FAM53A: variants seen among roughly 807,000 people sequenced by gnomAD.
The protein encoded by FAM53A is family with sequence similarity 53 member A.
In FAM53A, 28 loss-of-function variants were observed where a neutral mutation model predicts 26.6. The observed-to-expected ratio is 1.05, with a 90% CI of 0.78 to 1.45. The LOEUF (loss-of-function observed/expected upper bound fraction) is 1.45, where lower values mean the gene tolerates loss of function less well. FAM53A is among the 40% of genes most tolerant of loss of function. The probability of loss-of-function intolerance (pLI) is 0.00; values close to 1 mark genes in which losing one functional copy is unlikely to be tolerated. For synonymous variants in FAM53A, 290 were observed against 253.1 expected (o/e 1.15, Z -1.38); for missense variants, 650 against 575.8 (o/e 1.13, Z -1.32).
intron 1 of FAM53A, among the ~76,000 whole-genome samples, chr4:1,621,734 C>A (rs1326354118): frequency 6.6e-6 from 1 of 152,256 alleles, no homozygotes; most frequent in Non-Finnish European, 1.5e-5. Flanking sequence ...GAGACCCCAG[C>A]CTGGGTCTGC....
chr4:1,645,628 C>A (rs1176931953), intron 4 of FAM53A, among the ~76,000 whole-genome samples: 1 of 152,222 alleles, frequency 6.6e-6, no homozygotes, highest in Non-Finnish European at 1.5e-5. Flanking sequence ...CTCCTCATCC[C>A]AAGGGGGATG....
intron 3 of FAM53A, among the ~76,000 whole-genome samples, chr4:1,656,667 G>A (rs761497518): frequency 6.6e-5 from 10 of 152,148 alleles, no homozygotes; most frequent in African/African-American, 1.7e-4. Flanking sequence ...CCACAGGCCC[G>A]GCAGGGGGTG....
intron 1 of FAM53A, among the ~76,000 whole-genome samples, chr4:1,627,727 C>A (rs1715371481): frequency 6.6e-6 from 1 of 152,116 alleles, no homozygotes; most frequent in South Asian, 2.1e-4. Flanking sequence ...GCCAGAGGGT[C>A]CCACTCCCTC....
chr4:1,644,564 C>A (rs1178545338), intron 4 of FAM53A: 5 of 507,792 alleles, frequency 9.8e-6, no homozygotes, highest in Non-Finnish European at 1.7e-5. Context: ...CCGCCTCGCG[C>A]CCCCTGTCCC....
intron 1 of FAM53A, among the ~76,000 whole-genome samples, chr4:1,629,882 G>A (rs7668961): frequency 0.072 from 10,525 of 146,614 alleles, 387 homozygotes; most frequent in Middle Eastern, 0.16. Flanking sequence ...CACCACACAC[G>A]GCCTCGCTGG....
chr4:1,624,152 G>C (rs1715177989), intron 1 of FAM53A, among the ~76,000 whole-genome samples: 1 of 152,264 alleles, frequency 6.6e-6, no homozygotes, highest in East Asian at 1.9e-4. Flanking sequence ...AGTGGGGCCA[G>C]GGAGGGCTGG....
chr4:1,658,983 G>A (rs774545354), intron 2 of FAM53A, among the ~76,000 whole-genome samples: 1 of 152,252 alleles, frequency 6.6e-6, no homozygotes, highest in Non-Finnish European at 1.5e-5. Flanking sequence ...TAACGCCTAA[G>A]CCCATGGCAT....
In FAM53A at chr4:1,641,417, G is replaced by A. The variant is rs754643484; in HGVS notation, c.1073C>T (p.Ser358Leu). Residue 358 changes from serine to leucine, a missense_variant, in exon 5 of 5, where the codon TCG (serine) becomes TTG (leucine). By Grantham distance (145) the Ser-to-Leu change is moderately radical (BLOSUM62 -2). Transcript: ENST00000308132. ...CCTGCGGGAGCCATCACTGGTCACC[G>A]ACTCCCTAGAGGCCCACAGGTTGGG... is the stretch of plus-strand genomic sequence containing the variant. ...VHPNLWASRE[S>L]VTSDGSRRSS... 8.1e-6 allele frequency: 13 copies of A among 1,611,802 alleles called. No homozygotes were observed. The highest frequency in any genetic ancestry group is 2.7e-5 in the African/African-American group (2 of 74,780).
chr4:1,605,519 G>A, the FAM53A span, among the ~76,000 whole-genome samples: 1 of 152,226 alleles, frequency 6.6e-6, no homozygotes, highest in Non-Finnish European at 1.5e-5. This position sits in a 1 kb window ranked among gnomAD's most constrained non-coding sequence, Gnocchi z 5.7. Flanking sequence ...GCGTGAGGGA[G>A]GGGACGACGC....
the FAM53A span, among the ~76,000 whole-genome samples, chr4:1,588,271 A>C: frequency 6.6e-6 from 1 of 152,174 alleles, no homozygotes; most frequent in African/African-American, 2.4e-5. Flanking sequence ...TCAGAACACT[A>C]GTGATGTTTG....
chr4:1,631,415 C>A (rs1715607220), intron 1 of FAM53A, among the ~76,000 whole-genome samples: 1 of 152,232 alleles, frequency 6.6e-6, no homozygotes, highest in Non-Finnish European at 1.5e-5. Context: ...CACATGCTAA[C>A]CTCTGAGAGT....
At chr4:1,580,484 C>G in the FAM53A span, among the ~76,000 whole-genome samples, 1 of 152,078 alleles carries the variant, frequency 6.6e-6, no homozygotes, top group Non-Finnish European at 1.5e-5. Context: ...GCATCCCCGG[C>G]GCGGGGTGCA....
chr4:1,598,225 C>T, the FAM53A span, among the ~76,000 whole-genome samples: 1 of 152,260 alleles, frequency 6.6e-6, no homozygotes, highest in South Asian at 2.1e-4. Context: ...AACAGCTCCA[C>T]CGAGGCCCTG....
the FAM53A span, among the ~76,000 whole-genome samples, chr4:1,594,018 G>C: frequency 2.6e-5 from 4 of 152,170 alleles, no homozygotes; most frequent in African/African-American, 9.7e-5. Context: ...GGAGAGCAGG[G>C]GCCGCTGGGG....
chr4:1,642,754 G>A lies in FAM53A; in HGVS notation c.883-1147C>T, dbSNP rs530981923. Among the ~76,000 whole-genome samples the A allele has an allele frequency of 6.6e-4, 100 of 151,898 alleles. No individual in the cohort carries two copies. In the South Asian group the frequency reaches 0.02, roughly 31 times the overall value. ...CATGCCACTCGTCCACTGCCACTGGGAGCAGCCTTCCTACCCAGCCCCACC... is the reference window on the plus strand; with the variant it reads ...CATGCCACTCGTCCACTGCCACTGGAAGCAGCCTTCCTACCCAGCCCCACC... On this transcript the variant is annotated intron_variant, in intron 4 of 4. Transcript: ENST00000308132.
chr4:1,594,983 T>G, the FAM53A span, among the ~76,000 whole-genome samples: 136 of 152,280 alleles, frequency 8.9e-4, 4 homozygotes, highest in South Asian at 0.015. Flanking sequence ...GGCAAAGCCG[T>G]GCACAGGCCC....
chr4:1,627,552 C>T (rs1324806379), intron 1 of FAM53A, among the ~76,000 whole-genome samples: 1 of 152,200 alleles, frequency 6.6e-6, no homozygotes, highest in Non-Finnish European at 1.5e-5. Flanking sequence ...AGGCTGACCC[C>T]TCCCCACAGC....
intron 1 of FAM53A, 163 bp downstream of exon 1, chr4:1,684,070 G>C (rs921126627): frequency 6.6e-6 from 1 of 152,122 alleles, no homozygotes; most frequent in Non-Finnish European, 1.5e-5. Flanking sequence ...GCGGAGGCAG[G>C]GGGACGTAGT....
chr4:1,594,458 C>T, the FAM53A span, among the ~76,000 whole-genome samples: 1 of 152,136 alleles, frequency 6.6e-6, no homozygotes, highest in Non-Finnish European at 1.5e-5. Flanking sequence ...CAAAAGGCAC[C>T]CCCCACGGTG....
Sources: allele counts gnomAD v4.1 joint callset (sites outside exome capture counted in the v4.1 genomes callset), GRCh38; gene constraint gnomAD v4.1.1; non-coding constraint Gnocchi (gnomAD v3.1); transcripts MANE v1.5; gene names NCBI Gene and HGNC (gene_info 2026-07-23, HGNC 2026-07-21).